NPBWR2: variants seen among roughly 807,000 people sequenced by gnomAD.
The protein encoded by NPBWR2 is neuropeptides B and W receptor 2, also known as neuropeptides B/W receptor type 2.
For missense variants in NPBWR2, 390 were observed against 458.2 expected (o/e 0.85, Z 1.36); for synonymous variants, 207 against 223.5 (o/e 0.93, Z 0.66).
At position 64,103,839 on chromosome 20, in the gene NPBWR2, C is replaced by G. The variant is rs1979858150; in HGVS notation, c.*1991G>C. Among the ~76,000 whole-genome samples, 1 of 152,254 alleles carries G rather than the reference C, an allele frequency of 6.6e-6. No individual in the cohort carries two copies. ...AAATTTGTTATTCAGCAACAGATAT[C>G]TAATACAATGTTGTCAGGGAGGATA... On this transcript the variant is annotated 3_prime_UTR_variant, in exon 2 of 2. Coordinates refer to ENST00000684052, the MANE Select transcript of NPBWR2 (RefSeq NM_005286.4).
rs4809398 is a variant in NPBWR2, at chr20:64,104,224, A to G, written c.*1606T>C. On this transcript the variant is annotated 3_prime_UTR_variant, in exon 2 of 2. Coordinates refer to ENST00000684052, the MANE Select transcript of NPBWR2 (RefSeq NM_005286.4). ...CCACCTGACAGTCAGCGGTCTCTGA[A>G]CTGCCTGCATTTCATTACCACCCCT... 0.12 allele frequency among the ~76,000 whole-genome samples: 18,294 copies of G among 152,130 alleles called. 1,284 individuals carry two copies. The highest frequency in any genetic ancestry group is 0.2 in the South Asian group (972 of 4,820).
In NPBWR2 at chr20:64,105,392, G is replaced by A. The variant is rs1170179746; in HGVS notation, c.*438C>T. Among the ~76,000 whole-genome samples, 1 of 147,746 alleles carries A rather than the reference G, an allele frequency of 6.8e-6. No homozygotes were observed. The highest frequency in any genetic ancestry group is 2.0e-4 in the East Asian group (1 of 4,984). On this transcript the variant is annotated 3_prime_UTR_variant, in exon 2 of 2. Coordinates refer to ENST00000684052, the MANE Select transcript of NPBWR2 (RefSeq NM_005286.4). ...AGAGACATGGGAGGTATATGCCCAC[G>A]GCTGTCTGTAGGTCTGGTGGCCAGC...
rs1191982405 is a variant in NPBWR2 at position 64,105,227 on chromosome 20, C to T, written c.*603G>A. Among the ~76,000 whole-genome samples the T allele has an allele frequency of 6.6e-6, 1 of 151,802 alleles. No individual in the cohort carries two copies. Among genetic ancestry groups the T allele is most frequent in the East Asian group, 2.0e-4 (1 of 5,054 alleles). ...CCTCCCGACCACTGTCATTAGGGAT[C>T]CTGAGTCCCAGAGCCTTCCAAGGGG... is the stretch of plus-strand genomic sequence containing the variant. On this transcript the variant is annotated 3_prime_UTR_variant, in exon 2 of 2. Transcript: ENST00000684052.
In NPBWR2 at chr20:64,104,261, C is replaced by T. The variant is rs776996825; in HGVS notation, c.*1569G>A. On this transcript the variant is annotated 3_prime_UTR_variant, in exon 2 of 2. Transcript: ENST00000684052. ...TCATTACCACCCCTCACCCTGCCCC[C>T]ACCAGAGTTTCAGCATGCAGCTCCT... Among the ~76,000 whole-genome samples, 4 of 152,204 alleles carry T rather than the reference C, an allele frequency of 2.6e-5. No homozygotes were observed. The highest frequency in any genetic ancestry group is 6.5e-5 in the Admixed American group (1 of 15,288).
chr20:64,106,208 C>G lies in NPBWR2; in HGVS notation c.624G>C (p.Trp208Cys). ...GLSFPWPEQV[W>C]FKASRVYTLV... Reference sequence around the variant, plus strand: ...ACGTGTAGACACGGCTGGCCTTGAACCAGACCTGCTCGGGCCACGGGAAGC... The same window carrying G: ...ACGTGTAGACACGGCTGGCCTTGAAGCAGACCTGCTCGGGCCACGGGAAGC... The change falls in exon 2 of 2, where the codon TGG becomes TGC. Residue 208 changes from tryptophan to cysteine, a missense_variant. Transcript: ENST00000684052. The surrounding 1 kb of genome is among the most constrained non-coding windows in gnomAD (Gnocchi z 9.5). The G allele has an allele frequency of 6.2e-7, 1 of 1,612,700 alleles. No homozygotes were observed. The highest frequency in any genetic ancestry group is 8.5e-7 in the Non-Finnish European group (1 of 1,179,940).
rs1980052858 is a variant in NPBWR2, at chr20:64,106,545, A to C, written c.287T>G (p.Leu96Arg). 6.2e-7 allele frequency: 1 copy of C among 1,612,184 alleles called. No homozygotes were observed. Among genetic ancestry groups the C allele is most frequent in the East Asian group, 2.2e-5 (1 of 44,876 alleles). Residue 96 changes from leucine (L) to arginine (R), a missense_variant, in exon 2 of 2, where the codon CTG becomes CGG. Leu to Arg is a moderately radical substitution (Grantham distance 102). Transcript: ENST00000684052. The surrounding 1 kb of genome is among the most constrained non-coding windows in gnomAD (Gnocchi z 9.5). Reference sequence around the variant, plus strand: ...CTCCGCGATGTTGACGGGCAGTACCAGCGTGAAGAGCCCGTCGGCGACGGC... The same window carrying C: ...CTCCGCGATGTTGACGGGCAGTACCCGCGTGAAGAGCCCGTCGGCGACGGC... ...NLAVADGLFT[L>R]VLPVNIAEHL...
At position 64,106,312 on chromosome 20, in the gene NPBWR2, C is replaced by T. The variant is rs758922611; in HGVS notation, c.520G>A (p.Val174Ile). The change falls in exon 2 of 2, where the codon GTC (valine) becomes ATC (isoleucine). Residue 174 changes from valine (V) to isoleucine (I), a missense_variant. Transcript: ENST00000684052. The surrounding 1 kb of genome is among the most constrained non-coding windows in gnomAD (Gnocchi z 9.5). Reference protein sequence around the residue: ...KVASLCVWLGVTVLVLPFFSF... With the variant: ...KVASLCVWLGITVLVLPFFSF... ...AAGAAGGGCAGAACCAGGACCGTGACGCCCAGCCAGACACACAGGCTGGCG... is the reference window on the plus strand; with the variant it reads ...AAGAAGGGCAGAACCAGGACCGTGATGCCCAGCCAGACACACAGGCTGGCG... 3.2e-5 allele frequency: 52 copies of T among 1,612,814 alleles called. No individual in the cohort carries two copies. The highest frequency in any genetic ancestry group is 6.7e-5 in the Admixed American group (4 of 60,012).
At position 64,107,082 on chromosome 20, in the gene NPBWR2, C is replaced by T; in HGVS notation, c.-91-160G>A. The T allele has an allele frequency of 1.7e-6, 1 of 598,350 alleles. No individual in the cohort carries two copies. The highest frequency in any genetic ancestry group is 2.8e-5 in the East Asian group (1 of 35,394). 37.1% of individuals were successfully genotyped at this position (598,350 alleles called of 1,614,324 possible). A position where few individuals can be genotyped will look rare whatever the true frequency, so the allele number is the denominator to read the frequency against. On this transcript the variant is annotated intron_variant, in intron 1 of 1. Coordinates refer to ENST00000684052, the MANE Select transcript of NPBWR2 (RefSeq NM_005286.4). This position sits in a 1 kb window ranked among gnomAD's most constrained non-coding sequence, Gnocchi z 6.3. The stretch of plus-strand genomic sequence containing the variant: ...TGTGGGGGCCTCCTCCCGCCTCTTC[C>T]TGGTGAGACTTCAGCAGATCAGTTC...
Position 64,106,503 on chromosome 20 carries a change from C to T in NPBWR2, c.329G>A (p.Trp110Ter). The change falls in exon 2 of 2, where the codon TGG (tryptophan) becomes TAG (stop). Residue 110 changes from tryptophan (W) to a stop codon, truncating the protein, a stop_gained. Coordinates refer to ENST00000684052, the MANE Select transcript of NPBWR2 (RefSeq NM_005286.4). LOFTEE classifies it low-confidence loss of function (END_TRUNC). The surrounding 1 kb of genome is among the most constrained non-coding windows in gnomAD (Gnocchi z 9.5). The part of the protein sequence containing the change: ...VNIAEHLLQY[W>*]PFGELLCKLV... ...CTTGCAGAGCAGCTCCCCGAAGGGC[C>T]AGTACTGCAGCAGGTGCTCCGCGAT... The T allele has an allele frequency of 1.2e-6, 2 of 1,612,574 alleles. No homozygotes were observed. Among genetic ancestry groups the T allele is most frequent in the Non-Finnish European group, 1.7e-6 (2 of 1,179,996 alleles).
Position 64,105,714 on chromosome 20 carries a change from G to GTGGGCGTGA in NPBWR2, c.*115_*116insTCACGCCCA. 4.5e-6 allele frequency: 1 copy of GTGGGCGTGA among 220,252 alleles called. No individual in the cohort carries two copies. Among genetic ancestry groups the GTGGGCGTGA allele is most frequent in the South Asian group, 5.4e-5 (1 of 18,510 alleles). 13.6% of individuals were successfully genotyped at this position (220,252 alleles called of 1,614,324 possible). ...GGTGGTGGGGGTGATGGTGGGGGTG[G>GTGGGCGTGA]TGGTGGGGGTGGGGGGGGGTGGGCC... On this transcript the variant is annotated 3_prime_UTR_variant, in exon 2 of 2. Transcript: ENST00000684052.
chr20:64,106,322 G>A lies in NPBWR2; in HGVS notation c.510C>T (p.Val170=), dbSNP rs1569286108. ...GAACCAGGACCGTGACGCCCAGCCA[G>A]ACACACAGGCTGGCGACCTTCGCCC... ...YRGAKVASLC[V]WLGVTVLVLP... Residue 170 remains valine (V), a synonymous_variant, in exon 2 of 2, where the codon GTC becomes GTT. Transcript: ENST00000684052. This position sits in a 1 kb window ranked among gnomAD's most constrained non-coding sequence, Gnocchi z 9.5. The A allele has an allele frequency of 6.2e-7, 1 of 1,612,846 alleles. No homozygotes were observed. Among genetic ancestry groups the A allele is most frequent in the Non-Finnish European group, 8.5e-7 (1 of 1,180,018 alleles).
Position 64,104,319 on chromosome 20 carries a change from G to A in NPBWR2, c.*1511C>T, listed in dbSNP as rs542822012. Among the ~76,000 whole-genome samples, 107 of 152,306 alleles carry A rather than the reference G, an allele frequency of 7.0e-4. No homozygotes were observed. Among genetic ancestry groups the A allele is most frequent in the African/African-American group, 2.4e-3 (99 of 41,558 alleles). ...GATTACAAGCCCCTGGCCACACCCC[G>A]GGAGAGAGAGTTCCAGGTGCCAGCC... On this transcript the variant is annotated 3_prime_UTR_variant, in exon 2 of 2. Transcript: ENST00000684052.
At position 64,106,105 on chromosome 20, in the gene NPBWR2, G is replaced by GCA; in HGVS notation, c.725_726dup (p.Arg243CysfsTer10). 1 of 1,611,428 alleles carries GCA rather than the reference G, an allele frequency of 6.2e-7. No homozygotes were observed. On this transcript the variant is annotated frameshift_variant, in exon 2 of 2. Transcript: ENST00000684052. LOFTEE classifies it low-confidence loss of function (END_TRUNC). The surrounding 1 kb of genome is among the most constrained non-coding windows in gnomAD (Gnocchi z 9.5). ...AGAGCCTTGGCTCCAGAGCGGAGCC[G>GCA]CACGGCCCGCAGCCTGCGCAGGAGG...
In NPBWR2 at chr20:64,106,030, C is replaced by T. The variant is rs140478149; in HGVS notation, c.802G>A (p.Val268Met). The change falls in exon 2 of 2, where the codon GTG (valine) becomes ATG (methionine). Residue 268 changes from valine (V) to methionine (M), a missense_variant. By Grantham distance (21) the Val-to-Met change is conservative (BLOSUM62 1). Coordinates refer to ENST00000684052, the MANE Select transcript of NPBWR2 (RefSeq NM_005286.4). The surrounding 1 kb of genome is among the most constrained non-coding windows in gnomAD (Gnocchi z 9.5). ...AAGGGCGTCCAGCAGAGGAGGCACA[C>T]GGCCAGCACGACGAGGACCAGGACG... ...VTVLVLVVLA[V>M]CLLCWTPFHL... 1.4e-4 allele frequency: 220 copies of T among 1,611,044 alleles called. No individual in the cohort carries two copies. The highest frequency in any genetic ancestry group is 4.9e-4 in the Middle Eastern group (3 of 6,082).
rs1420720854 is a variant in NPBWR2 at position 64,107,380 on chromosome 20, G to A, written c.-108C>T. Among the ~76,000 whole-genome samples, 1 of 152,228 alleles carries A rather than the reference G, an allele frequency of 6.6e-6. No homozygotes were observed. The highest frequency in any genetic ancestry group is 1.9e-4 in the East Asian group (1 of 5,194). ...TCCACTGACCTGTCCAGTGCTTCGA[G>A]TCCAGAAGTTGGTAGCCTTGGTGTG... On this transcript the variant is annotated 5_prime_UTR_variant, in exon 1 of 2. Transcript: ENST00000684052. This position sits in a 1 kb window ranked among gnomAD's most constrained non-coding sequence, Gnocchi z 6.3.
Position 64,106,943 on chromosome 20 carries a change from G to C in NPBWR2, c.-91-21C>G. 2 of 1,316,244 alleles carry C rather than the reference G, an allele frequency of 1.5e-6. No homozygotes were observed. The highest frequency in any genetic ancestry group is 2.1e-6 in the Non-Finnish European group (2 of 959,698). The allele number at this position is 1,316,244 out of a possible 1,614,324, so 81.5% of individuals were successfully genotyped here. ...GGATTCTAGGAAAGAAAAACAACCAGAGACTTTGAGATCCGGCCGTCTGTT... is the reference window on the plus strand; with the variant it reads ...GGATTCTAGGAAAGAAAAACAACCACAGACTTTGAGATCCGGCCGTCTGTT... On this transcript the variant is annotated intron_variant, in intron 1 of 1. Coordinates refer to ENST00000684052, the MANE Select transcript of NPBWR2 (RefSeq NM_005286.4). This position sits in a 1 kb window ranked among gnomAD's most constrained non-coding sequence, Gnocchi z 9.5.
In NPBWR2 at chr20:64,104,473, G is replaced by A. The variant is rs893902476; in HGVS notation, c.*1357C>T. Among the ~76,000 whole-genome samples the A allele has an allele frequency of 7.2e-5, 11 of 151,924 alleles. No individual in the cohort carries two copies. The highest frequency in any genetic ancestry group is 1.5e-4 in the Non-Finnish European group (10 of 67,944). On this transcript the variant is annotated 3_prime_UTR_variant, in exon 2 of 2. Coordinates refer to ENST00000684052, the MANE Select transcript of NPBWR2 (RefSeq NM_005286.4). Reference sequence around the variant, plus strand: ...GGGTGTACAGGCCATGGCGAGGACCGTCGGCCACAGCAGGGGGGTACAGGG... The same window carrying A: ...GGGTGTACAGGCCATGGCGAGGACCATCGGCCACAGCAGGGGGGTACAGGG...
At position 64,107,533 on chromosome 20, in the gene NPBWR2, C is replaced by T. The variant is rs371832799; in HGVS notation, c.-261G>A. Among the ~76,000 whole-genome samples, 29 of 152,314 alleles carry T rather than the reference C, an allele frequency of 1.9e-4. No homozygotes were observed. Among genetic ancestry groups the T allele is most frequent in the Middle Eastern group, 3.4e-3 (1 of 294 alleles). ...CTGCTGGCTGCCTCAGCCCCGGCTG[C>T]GAGGTTCCCAGCCTGGTGTCAGTGC... On this transcript the variant is annotated 5_prime_UTR_variant, in exon 1 of 2. Coordinates refer to ENST00000684052, the MANE Select transcript of NPBWR2 (RefSeq NM_005286.4). This position sits in a 1 kb window ranked among gnomAD's most constrained non-coding sequence, Gnocchi z 6.3.
Position 64,105,838 on chromosome 20 carries a change from G to C in NPBWR2, c.994C>G (p.Arg332Gly). 6.4e-7 allele frequency: 1 copy of C among 1,553,072 alleles called. No individual in the cohort carries two copies. Among genetic ancestry groups the C allele is most frequent in the South Asian group, 1.1e-5 (1 of 87,196 alleles). The change falls in exon 2 of 2, where the codon CGG becomes GGG. Residue 332 changes from arginine (R) to glycine (G), a missense_variant. Physicochemically the swap from Arg to Gly is moderately radical, Grantham distance 125. Coordinates refer to ENST00000684052, the MANE Select transcript of NPBWR2 (RefSeq NM_005286.4). ...NFRKNFRSILRC is the reference protein window; with the variant it reads ...NFRKNFRSILGC ...GATGGTGCCCAGGCCCTTCAGCACC[G>C]CAATATGCTGCGGAAGTTCTTCCGG...
Sources: gnomAD v4.1 joint callset for allele counts (sites outside exome capture counted in the v4.1 genomes callset) on GRCh38, gnomAD v4.1.1 for gene constraint, Gnocchi (gnomAD v3.1) non-coding constraint, MANE v1.5 for transcripts, NCBI Gene and HGNC (gene_info 2026-07-23, HGNC 2026-07-21) for gene names.